Variants in PITPNM2 observed in about 807,000 individuals in gnomAD.
The protein encoded by PITPNM2 is membrane-associated phosphatidylinositol transfer protein 2.
A neutral mutation model predicts 132.2 loss-of-function variants in PITPNM2; 35 were observed. The ratio of observed to expected loss-of-function variants is 0.26; its 90% CI spans 0.20 to 0.35. The LOEUF (loss-of-function observed/expected upper bound fraction) is 0.35, where lower values mean the gene tolerates loss of function less well. Ranked by LOEUF, PITPNM2 falls within the 10% of genes least tolerant of loss-of-function variation. The probability of loss-of-function intolerance (pLI) is 1.00; values close to 1 mark genes in which losing one functional copy is unlikely to be tolerated. For synonymous variants in PITPNM2, 738 were observed against 799.2 expected (o/e 0.92, Z 1.29); for missense variants, 1,332 against 1,912.0 (o/e 0.70, Z 5.66).
At chr12:123,029,328 C>A (rs1347432983) in intron 3 of PITPNM2, among the ~76,000 whole-genome samples, 1 of 152,224 alleles carries the variant, frequency 6.6e-6, no homozygotes, top group Non-Finnish European at 1.5e-5. Flanking sequence ...GTGGCTCATG[C>A]CTGTAATCCC....
intron 2 of PITPNM2, among the ~76,000 whole-genome samples, chr12:123,096,703 G>C (rs536062933): frequency 6.6e-6 from 1 of 152,166 alleles, no homozygotes; most frequent in Admixed American, 6.5e-5. Context: ...CAGCCAGCCT[G>C]GGCTGAGCAG....
At chr12:123,050,873 C>T (rs976974359) in intron 2 of PITPNM2, among the ~76,000 whole-genome samples, 7 of 152,048 alleles carry the variant, frequency 4.6e-5, no homozygotes, top group Admixed American at 3.3e-4. Flanking sequence ...AGGGAAGAAA[C>T]GAAACACAAA....
Position 122,994,076 on chromosome 12 carries a change from G to A in PITPNM2, c.2233+725C>T, listed in dbSNP as rs1479289135. ...TTTAGTAGAGACGGGGTTTCTCCAT[G>A]TTGGTCAGGCTGGTCTCAAACTCCT... On this transcript the variant is annotated intron_variant, in intron 15 of 25. Transcript: ENST00000320201. This position sits in a 1 kb window ranked among gnomAD's most constrained non-coding sequence, Gnocchi z 5.4. 2.6e-5 allele frequency among the ~76,000 whole-genome samples: 4 copies of A among 151,438 alleles called. No individual in the cohort carries two copies. The highest frequency in any genetic ancestry group is 1.3e-4 in the Admixed American group (2 of 15,266).
intron 2 of PITPNM2, among the ~76,000 whole-genome samples, chr12:123,054,060 A>G (rs2040944489): frequency 6.6e-6 from 1 of 151,914 alleles, no homozygotes; most frequent in Admixed American, 6.6e-5. Flanking sequence ...TATTCACTCC[A>G]TATCTGTCAT....
chr12:123,020,729 AAGTGGTC>A (rs2039632306), intron 3 of PITPNM2, among the ~76,000 whole-genome samples: 1 of 152,026 alleles, frequency 6.6e-6, no homozygotes, highest in Non-Finnish European at 1.5e-5. Context: ...CTGCAGTTGA[AAGTGGTC>A]AGTGGGCGAG....
intron 2 of PITPNM2, among the ~76,000 whole-genome samples, chr12:123,085,515 A>G (rs1043063407): frequency 6.6e-6 from 1 of 152,136 alleles, no homozygotes; most frequent in Non-Finnish European, 1.5e-5. Flanking sequence ...GGTGAGGAAA[A>G]GGGTTGGGAG....
chr12:123,049,282 A>C (rs1190451351), intron 2 of PITPNM2, among the ~76,000 whole-genome samples: 1 of 152,100 alleles, frequency 6.6e-6, no homozygotes, highest in Admixed American at 6.5e-5. Context: ...GGAGGGTTCC[A>C]TGCCTAGGAC....
At chr12:123,025,575 G>T (rs2039834319) in intron 3 of PITPNM2, among the ~76,000 whole-genome samples, 1 of 152,068 alleles carries the variant, frequency 6.6e-6, no homozygotes, top group African/African-American at 2.4e-5. Flanking sequence ...TGGGATTACA[G>T]GCATGAGCCA....
intron 2 of PITPNM2, among the ~76,000 whole-genome samples, chr12:123,057,685 C>T (rs780966905): frequency 3.3e-5 from 5 of 152,214 alleles, no homozygotes; most frequent in Non-Finnish European, 7.3e-5. Context: ...AGGCTGTAGG[C>T]TCTGGTGGTG....
intron 1 of PITPNM2, among the ~76,000 whole-genome samples, chr12:123,133,061 T>C (rs150259298): frequency 6.6e-6 from 1 of 152,232 alleles, no homozygotes; most frequent in African/African-American, 2.4e-5. Flanking sequence ...CTCTTGGGTA[T>C]AGACCTAGAA....
intron 2 of PITPNM2, among the ~76,000 whole-genome samples, chr12:123,075,151 C>T (rs1046434218): frequency 6.6e-6 from 1 of 152,168 alleles, no homozygotes; most frequent in African/African-American, 2.4e-5. Context: ...TGTGTATCTG[C>T]AAGCATATGT....
chr12:123,051,846 G>T (rs1002448786), intron 2 of PITPNM2, among the ~76,000 whole-genome samples: 1 of 152,032 alleles, frequency 6.6e-6, no homozygotes, highest in African/African-American at 2.4e-5. Flanking sequence ...TAAATTCTCA[G>T]GTAGAGGTTA....
intron 2 of PITPNM2, among the ~76,000 whole-genome samples, chr12:123,071,303 C>T (rs1231972756): frequency 6.6e-6 from 1 of 152,244 alleles, no homozygotes; most frequent in African/African-American, 2.4e-5. Flanking sequence ...GGCACTGCAG[C>T]CATATCCAAG....
At chr12:123,124,795 T>G (rs1172699912) in intron 1 of PITPNM2, among the ~76,000 whole-genome samples, 1 of 152,200 alleles carries the variant, frequency 6.6e-6, no homozygotes, top group Non-Finnish European at 1.5e-5. Flanking sequence ...AATGCATTAC[T>G]TACTTACCCA....
At position 123,137,099 on chromosome 12, in the gene PITPNM2, G is replaced by A. The variant is rs544985266; in HGVS notation, c.-200+13654C>T. ...TTCGTGAATGCCAGACTGACTTTCC[G>A]CTCTGAGCCAGCCACCCAGGCGGCT... On this transcript the variant is annotated intron_variant, in intron 1 of 25. Coordinates refer to ENST00000320201, the MANE Select transcript of PITPNM2 (RefSeq NM_020845.3). Among the ~76,000 whole-genome samples the A allele has an allele frequency of 1.8e-4, 28 of 152,240 alleles. No individual in the cohort carries two copies. The South Asian group carries it at 2.1e-3, about 11-fold the overall frequency.
intron 12 of PITPNM2, 40 bp downstream of exon 12, chr12:122,996,681 C>T: frequency 2.5e-6 from 4 of 1,611,172 alleles, no homozygotes; most frequent in Non-Finnish European, 3.4e-6. Flanking sequence ...CCTACAGGGT[C>T]TTCCATCCTC....
Position 123,004,301 on chromosome 12 carries a change from C to A in PITPNM2, c.1048+93G>T. On this transcript the variant is annotated intron_variant, in intron 8 of 25. Coordinates refer to ENST00000320201, the MANE Select transcript of PITPNM2 (RefSeq NM_020845.3). This position sits in a 1 kb window ranked among gnomAD's most constrained non-coding sequence, Gnocchi z 4.9. ...ATATAGAATAGTAACAGGCAACACC[C>A]GCATCAGTCCACACCCACACCCTAA... 1 of 1,170,034 alleles carries A rather than the reference C, an allele frequency of 8.5e-7. No homozygotes were observed. The allele number at this position is 1,170,034 out of a possible 1,614,324, so 72.5% of individuals were successfully genotyped here.
intron 2 of PITPNM2, among the ~76,000 whole-genome samples, chr12:123,068,178 A>ACAGGCACGGC (rs1555294115): frequency 8.3e-5 from 3 of 36,110 alleles, no homozygotes; most frequent in Admixed American, 3.0e-4. Flanking sequence ...CTAAAAATCC[A>ACAGGCACGGC]CGGGCACGGC....
In PITPNM2 at chr12:123,078,403, C is replaced by A. The variant is rs1364249543; in HGVS notation, c.-96+31982G>T. Among the ~76,000 whole-genome samples the A allele has an allele frequency of 6.6e-6, 1 of 152,238 alleles. No homozygotes were observed. The highest frequency in any genetic ancestry group is 6.5e-5 in the Admixed American group (1 of 15,290). On this transcript the variant is annotated intron_variant, in intron 2 of 25. Transcript: ENST00000320201. The surrounding 1 kb of genome is among the most constrained non-coding windows in gnomAD (Gnocchi z 7.3). ...GGAAAAGGGAGGAGATGGGGGCTTT[C>A]TCGCCTGGCTCGTGGTGCTCCGCTG...
Sources: allele counts gnomAD v4.1 joint callset (sites outside exome capture counted in the v4.1 genomes callset), GRCh38; gene constraint gnomAD v4.1.1; non-coding constraint Gnocchi (gnomAD v3.1); transcripts MANE v1.5; gene names NCBI Gene and HGNC (gene_info 2026-07-23, HGNC 2026-07-21).